The following TRPM3 variants were observed in gnomAD, a reference collection of about 807,000 sequenced individuals.
TRPM3 encodes long transient receptor potential channel 3.
TRPM3 carries 77 observed loss-of-function variants against 181.2 expected under a neutral mutation model. The observed-to-expected ratio is 0.42, with a 90% CI of 0.35 to 0.51. The LOEUF (loss-of-function observed/expected upper bound fraction) is 0.51, where lower values mean the gene tolerates loss of function less well. TRPM3 is among the 20% of genes least tolerant of loss of function. TRPM3 has a pLI of 0.01. For missense variants in TRPM3, 1,759 were observed against 2,196.7 expected (o/e 0.80, Z 3.98); for synonymous variants, 745 against 796.4 (o/e 0.94, Z 1.09).
intron 1 of TRPM3, among the ~76,000 whole-genome samples, chr9:71,137,647 T>G (rs1479537117): frequency 1.3e-5 from 2 of 152,220 alleles, no homozygotes; most frequent in East Asian, 3.8e-4. Context: ...GACTTTGAAC[T>G]TTAACCCTCA....
intron 22 of TRPM3, among the ~76,000 whole-genome samples, chr9:70,586,651 C>T (rs1215880478): frequency 6.6e-6 from 1 of 152,214 alleles, no homozygotes; most frequent in Admixed American, 6.5e-5. Context: ...CAACACTCCC[C>T]ACGCTATAGC....
At chr9:71,419,743 C>T (rs187462269) in intron 1 of TRPM3, among the ~76,000 whole-genome samples, 2 of 151,916 alleles carry the variant, frequency 1.3e-5, no homozygotes, top group African/African-American at 4.8e-5. Flanking sequence ...GCACATTTTA[C>T]CACAATTAAA....
intron 3 of TRPM3, among the ~76,000 whole-genome samples, chr9:70,854,106 T>G (rs1312497842): frequency 2.6e-5 from 4 of 152,176 alleles, no homozygotes; most frequent in Non-Finnish European, 4.4e-5. Flanking sequence ...TATTAAGTAG[T>G]CAATATGATT....
At chr9:70,582,181 CGTGTGT>C (rs3073501) in intron 22 of TRPM3, among the ~76,000 whole-genome samples, 2,002 of 149,234 alleles carry the variant, frequency 0.013, 32 homozygotes, top group Non-Finnish European at 0.022. Context: ...CCACCCTGTG[CGTGTGT>C]GTGTGTGTGT....
At chr9:71,216,103 T>C (rs912786910) in intron 1 of TRPM3, among the ~76,000 whole-genome samples, 2 of 152,248 alleles carry the variant, frequency 1.3e-5, no homozygotes, top group Non-Finnish European at 2.9e-5. Flanking sequence ...AACTGAAGTA[T>C]GAAGTTGCTG....
At chr9:71,054,088 A>G (rs1173320982) in intron 1 of TRPM3, among the ~76,000 whole-genome samples, 3 of 152,130 alleles carry the variant, frequency 2.0e-5, no homozygotes, top group African/African-American at 7.2e-5. Context: ...GTATGCCTTT[A>G]GCATGATGTG....
chr9:71,353,599 G>C (rs1413916565), intron 1 of TRPM3, among the ~76,000 whole-genome samples: 2 of 152,148 alleles, frequency 1.3e-5, no homozygotes, highest in Non-Finnish European at 2.9e-5. Flanking sequence ...ATTGTATAAA[G>C]ATTAATGATA....
intron 1 of TRPM3, among the ~76,000 whole-genome samples, chr9:71,057,476 C>T (rs2060796266): frequency 1.3e-5 from 2 of 152,102 alleles, no homozygotes; most frequent in South Asian, 4.1e-4. Context: ...TAGGTCTCTA[C>T]CTTTCATTCT....
At chr9:71,190,233 T>C (rs371829827) in intron 1 of TRPM3, among the ~76,000 whole-genome samples, 4 of 151,856 alleles carry the variant, frequency 2.6e-5, no homozygotes, top group Non-Finnish European at 5.9e-5. Context: ...TTATCCCCAT[T>C]TGAGTTGAGA....
intron 1 of TRPM3, among the ~76,000 whole-genome samples, chr9:71,055,656 T>C (rs1646222411): frequency 6.6e-6 from 1 of 151,976 alleles, no homozygotes; most frequent in African/African-American, 2.4e-5. Context: ...CTTAAAGGAA[T>C]TGGTGATGTA....
intron 8 of TRPM3, among the ~76,000 whole-genome samples, chr9:70,686,121 C>T (rs1341223589): frequency 6.6e-6 from 1 of 150,886 alleles, no homozygotes; most frequent in African/African-American, 2.4e-5. Flanking sequence ...TGTATATATA[C>T]ACACACATAT....
At chr9:71,192,657 C>A (rs1271872485) in intron 1 of TRPM3, among the ~76,000 whole-genome samples, 1 of 151,672 alleles carries the variant, frequency 6.6e-6, no homozygotes, top group Non-Finnish European at 1.5e-5. Context: ...GAATATTAAC[C>A]CCTTATCAGA....
At chr9:71,084,860 G>A (rs2065011966) in intron 1 of TRPM3, among the ~76,000 whole-genome samples, 1 of 151,886 alleles carries the variant, frequency 6.6e-6, no homozygotes, top group South Asian at 2.1e-4. Flanking sequence ...GTGACATCAC[G>A]TTACCCAACT....
chr9:70,931,216 T>A (rs1036260759), intron 1 of TRPM3, among the ~76,000 whole-genome samples: 9 of 152,152 alleles, frequency 5.9e-5, no homozygotes, highest in Non-Finnish European at 1.2e-4. Context: ...TTTATATGTA[T>A]GTATAAATCA....
At chr9:71,209,387 G>A (rs1423589142) in intron 1 of TRPM3, among the ~76,000 whole-genome samples, 2 of 59,894 alleles carry the variant, frequency 3.3e-5, no homozygotes, top group Non-Finnish European at 6.7e-5. Flanking sequence ...GAGGGGGTAG[G>A]GAGAGGGGGA....
chr9:71,392,487 T>G (rs1389315524), intron 1 of TRPM3, among the ~76,000 whole-genome samples: 20 of 152,092 alleles, frequency 1.3e-4, no homozygotes, highest in Admixed American at 1.2e-3. Context: ...GTTGGGGTAT[T>G]TTTTGCCTTG....
intron 1 of TRPM3, among the ~76,000 whole-genome samples, chr9:71,404,672 T>C (rs892703804): frequency 6.6e-6 from 1 of 152,162 alleles, no homozygotes; most frequent in African/African-American, 2.4e-5. Flanking sequence ...TATTTCAAGA[T>C]AATGTCACTG....
intron 1 of TRPM3, among the ~76,000 whole-genome samples, chr9:70,885,941 T>C (rs7851915): frequency 0.58 from 88,820 of 152,012 alleles, 26,167 homozygotes; most frequent in African/African-American, 0.59. Flanking sequence ...ATTTGGCAAC[T>C]TGGCATTTAA....
chr9:70,552,926 G>C lies in TRPM3; in HGVS notation c.3492C>G (p.Ser1164Arg). 1 of 1,614,194 alleles carries C rather than the reference G, an allele frequency of 6.2e-7. No individual in the cohort carries two copies. Among genetic ancestry groups the C allele is most frequent in the Non-Finnish European group, 8.5e-7 (1 of 1,180,034 alleles). ...GGTGCTGGAATATCATGGTCATGTG[G>C]CTGAAGATGATCAGTGGTGGGGGCA... Reference protein sequence around the residue: ...PVLPPPLIIFSHMTMIFQHLC... With the variant: ...PVLPPPLIIFRHMTMIFQHLC... Residue 1164 changes from serine to arginine, a missense_variant, in exon 24 of 26, where the codon AGC becomes AGG. Ser to Arg is a moderately radical substitution (Grantham distance 110). Around this residue, in one of 8 missense-constraint regions of TRPM3, gnomAD observed 96 missense variants for 129.6 expected, o/e 0.74. Coordinates refer to ENST00000677713, the MANE Select transcript of TRPM3 (RefSeq NM_001366145.2).
Sources: allele counts gnomAD v4.1 joint callset (sites outside exome capture counted in the v4.1 genomes callset), GRCh38; gene constraint gnomAD v4.1.1; regional missense constraint gnomAD v4.1.1; transcripts MANE v1.5; gene names NCBI Gene and HGNC (gene_info 2026-07-23, HGNC 2026-07-21).